ANKRD29: variants seen among roughly 807,000 people sequenced by gnomAD.
ANKRD29 encodes the protein ankyrin repeat domain-containing protein 29.
Under a neutral mutation model 38.0 loss-of-function variants are expected in ANKRD29, and 32 were observed. The ratio of observed to expected loss-of-function variants is 0.84; its 90% CI spans 0.64 to 1.13. ANKRD29 has a LOEUF of 1.13. ANKRD29 is among the 50% of genes most tolerant of loss of function. ANKRD29 has a pLI of 0.00. For missense variants in ANKRD29, 357 were observed against 377.9 expected (o/e 0.94, Z 0.46); for synonymous variants, 135 against 152.4 (o/e 0.89, Z 0.84).
Position 23,646,236 on chromosome 18 carries a change from C to T in ANKRD29, c.184G>A (p.Val62Met). ...GCTCCTTGCAGAACCAGTTCCCTCA[C>T]ACAGTCTATGTGGCCAGCGTAGGCA... ...VAAYAGHIDC[V>M]RELVLQGADI... Residue 62 changes from valine (V) to methionine (M), a missense_variant, in exon 3 of 10, where the codon GTG becomes ATG. By Grantham distance (21) the Val-to-Met change is conservative. Coordinates refer to ENST00000592179, the MANE Select transcript of ANKRD29 (RefSeq NM_173505.4). 1 of 1,614,160 alleles carries T rather than the reference C, an allele frequency of 6.2e-7. No homozygotes were observed. The highest frequency in any genetic ancestry group is 1.6e-4 in the Middle Eastern group (1 of 6,062).
chr18:23,627,145 T>C (rs112068004), intron 6 of ANKRD29, among the ~76,000 whole-genome samples: 124 of 152,300 alleles, frequency 8.1e-4, no homozygotes, highest in African/African-American at 2.9e-3. Flanking sequence ...CTTGAGCTAG[T>C]CTGACCTGGA....
intron 6 of ANKRD29, among the ~76,000 whole-genome samples, chr18:23,623,977 A>C (rs185168620): frequency 2.0e-5 from 3 of 152,206 alleles, no homozygotes; most frequent in African/African-American, 7.2e-5. Flanking sequence ...ACATATAAAA[A>C]TAATTTTGAA....
intron 9 of ANKRD29, among the ~76,000 whole-genome samples, chr18:23,605,649 C>T (rs1183970506): frequency 6.6e-6 from 1 of 152,048 alleles, no homozygotes; most frequent in Non-Finnish European, 1.5e-5. Flanking sequence ...GCCTCAACCC[C>T]CTGAGTAGCT....
chr18:23,662,844 G>T lies in ANKRD29; in HGVS notation c.-114C>A. 1.0e-6 allele frequency: 1 copy of T among 1,001,804 alleles called. No individual in the cohort carries two copies. Among genetic ancestry groups the T allele is most frequent in the Non-Finnish European group, 1.2e-6 (1 of 811,268 alleles). 62.1% of individuals were successfully genotyped at this position (1,001,804 alleles called of 1,614,324 possible). On this transcript the variant is annotated 5_prime_UTR_variant, in exon 1 of 10. Transcript: ENST00000592179. ...GTTCCGCAGAGGGGCGGCCTCCGAC[G>T]CCGCGCGCTCCCGCCGCCCGGCCCG...
At chr18:23,616,874 T>C (rs1334625097) in intron 8 of ANKRD29, among the ~76,000 whole-genome samples, 1 of 150,794 alleles carries the variant, frequency 6.6e-6, no homozygotes, top group Non-Finnish European at 1.5e-5. Context: ...ACAGAAAAAG[T>C]TTGCTGACTC....
chr18:23,662,667 C>A (rs776454543), intron 1 of ANKRD29, 43 bp downstream of exon 1: 2 of 1,419,076 alleles, frequency 1.4e-6, no homozygotes, highest in African/African-American at 1.5e-5. Flanking sequence ...CCCGGCCGCC[C>A]GAGCCCGGCC....
chr18:23,649,323 C>A, intron 1 of ANKRD29, 130 bp from the exon 2 acceptor site: 1 of 753,576 alleles, frequency 1.3e-6, no homozygotes, highest in East Asian at 2.7e-5. Flanking sequence ...GATTGATCCT[C>A]CAGCAATAGA....
intron 3 of ANKRD29, among the ~76,000 whole-genome samples, chr18:23,641,691 A>G (rs776092748): frequency 2.0e-5 from 3 of 152,204 alleles, no homozygotes; most frequent in African/African-American, 4.8e-5. Flanking sequence ...CTTCCCATGG[A>G]CCAATCAGCA....
chr18:23,626,300 GA>G (rs1366345047), intron 6 of ANKRD29, among the ~76,000 whole-genome samples: 1 of 152,162 alleles, frequency 6.6e-6, no homozygotes, highest in Non-Finnish European at 1.5e-5. Flanking sequence ...TTTAGCACAT[GA>G]AAAAGACTAG....
Position 23,638,939 on chromosome 18 carries a change from T to C in ANKRD29, c.240A>G (p.Thr80=). ...ADINLQRESG[T]TALFFAAQQG... is the part of the protein sequence containing the mutation. ...GCTGGGCGGCAAAGAATAGGGCAGT[T>C]GTACCTGACTGGGAGAGAGGGAGAG... Residue 80 remains threonine (T), a synonymous_variant, in exon 4 of 10, where the codon ACA becomes ACG. Transcript: ENST00000592179. 1 of 1,606,486 alleles carries C rather than the reference T, an allele frequency of 6.2e-7. No homozygotes were observed. The highest frequency in any genetic ancestry group is 8.5e-7 in the Non-Finnish European group (1 of 1,177,772).
At chr18:23,606,928 C>G (rs1172282846) in intron 9 of ANKRD29, among the ~76,000 whole-genome samples, 1 of 152,114 alleles carries the variant, frequency 6.6e-6, no homozygotes, top group Non-Finnish European at 1.5e-5. Flanking sequence ...CAGGCAGTAT[C>G]GGGGATGGAG....
At chr18:23,604,908 A>C (rs916529200) in intron 9 of ANKRD29, among the ~76,000 whole-genome samples, 3 of 152,246 alleles carry the variant, frequency 2.0e-5, no homozygotes, top group African/African-American at 7.2e-5. Context: ...TTCATCACAC[A>C]GAATTTTATT....
chr18:23,633,913 AT>A, intron 5 of ANKRD29, 137 bp downstream of exon 5: 1 of 824,492 alleles, frequency 1.2e-6, no homozygotes, highest in Non-Finnish European at 2.0e-6. Flanking sequence ...GGTCCGCTAT[AT>A]ATTTTTCTCT....
chr18:23,652,696 A>G (rs1399742653), intron 1 of ANKRD29, among the ~76,000 whole-genome samples: 1 of 152,248 alleles, frequency 6.6e-6, no homozygotes, highest in Non-Finnish European at 1.5e-5. Context: ...AAAGCACTTT[A>G]CCAAGCATGC....
intron 9 of ANKRD29, among the ~76,000 whole-genome samples, chr18:23,604,423 A>T (rs997735950): frequency 5.3e-5 from 8 of 151,036 alleles, no homozygotes; most frequent in Admixed American, 5.3e-4. Context: ...GCCTGTTTTT[A>T]TTTTTTTCTT....
chr18:23,630,523 A>G (rs2059917575), intron 5 of ANKRD29, among the ~76,000 whole-genome samples: 1 of 152,174 alleles, frequency 6.6e-6, no homozygotes, highest in Non-Finnish European at 1.5e-5. Context: ...CGGGAGGCTG[A>G]GGCAGAAGAA....
intron 5 of ANKRD29, 64 bp from the exon 6 acceptor site, chr18:23,630,015 A>T (rs2059909488): frequency 1.0e-5 from 15 of 1,439,314 alleles, no homozygotes; most frequent in Non-Finnish European, 1.1e-5. Flanking sequence ...AAAAGAAATT[A>T]GGGCGGGTGC....
chr18:23,639,432 C>T (rs1016847726), intron 3 of ANKRD29, among the ~76,000 whole-genome samples: 2 of 151,860 alleles, frequency 1.3e-5, no homozygotes, highest in Non-Finnish European at 2.9e-5. Context: ...AAAGGAAATT[C>T]TGACATATGC....
intron 6 of ANKRD29, among the ~76,000 whole-genome samples, chr18:23,626,363 C>G (rs1044690042): frequency 1.3e-5 from 2 of 152,150 alleles, no homozygotes; most frequent in African/African-American, 4.8e-5. Context: ...AGGATCAGAC[C>G]TTTGCATTCT....
Sources: allele counts gnomAD v4.1 joint callset (sites outside exome capture counted in the v4.1 genomes callset), GRCh38; gene constraint gnomAD v4.1.1; transcripts MANE v1.5; gene names NCBI Gene and HGNC (gene_info 2026-07-23, HGNC 2026-07-21).